Variants in ARFIP2 observed in about 807,000 individuals in gnomAD.
The protein encoded by ARFIP2 is arfaptin-2.
A neutral mutation model predicts 39.2 loss-of-function variants in ARFIP2; 14 were observed. That is an observed-to-expected ratio of 0.36 (90% CI 0.24 to 0.56). The LOEUF (loss-of-function observed/expected upper bound fraction) is 0.56, where lower values mean the gene tolerates loss of function less well. ARFIP2 is among the 20% of genes least tolerant of loss of function. The pLI, the probability that ARFIP2 is intolerant of heterozygous loss-of-function variation, is 0.85. For synonymous variants in ARFIP2, 167 were observed against 172.4 expected, an observed-to-expected ratio of 0.97 and a Z score of 0.24; for missense variants, 305 against 422.5, an observed-to-expected ratio of 0.72 and a Z score of 2.44.
chr11:6,479,224 A>C lies in ARFIP2; in HGVS notation c.231T>G (p.Pro77=), dbSNP rs763578402. The change falls in exon 4 of 8, where the codon CCT becomes CCG. Residue 77 remains proline, a synonymous_variant. Transcript: ENST00000396777. The part of the protein sequence containing the change: ...SGRHPSHSTT[P]SGPGDEVARG... The stretch of plus-strand genomic sequence containing the variant: ...GAGCCACCTCATCTCCAGGGCCAGA[A>C]GGAGTGGTGCTGTGAGATGGATGGC... 1 of 1,614,030 alleles carries C rather than the reference A, an allele frequency of 6.2e-7. No homozygotes were observed. Among genetic ancestry groups the C allele is most frequent in the South Asian group, 1.1e-5 (1 of 91,082 alleles).
rs1851348278 is a variant in ARFIP2 at position 6,478,500 on chromosome 11, G to T, written c.537+238C>A. On this transcript the variant is annotated intron_variant, in intron 5 of 7. Transcript: ENST00000396777. This position sits in a 1 kb window ranked among gnomAD's most constrained non-coding sequence, Gnocchi z 4.8. Reference sequence around the variant, plus strand: ...GCTGAGCACGAAGGCATTCTCCCCAGTGCAGAGAGGGGTTATTTGTGAGGC... The same window carrying T: ...GCTGAGCACGAAGGCATTCTCCCCATTGCAGAGAGGGGTTATTTGTGAGGC... 3 of 1,325,326 alleles carry T rather than the reference G, an allele frequency of 2.3e-6. No homozygotes were observed. Among genetic ancestry groups the T allele is most frequent in the African/African-American group, 1.5e-5 (1 of 67,380 alleles). The allele number at this position is 1,325,326 out of a possible 1,614,324, so 82.1% of individuals were successfully genotyped here.
intron 2 of ARFIP2, 113 bp from the exon 3 acceptor site, chr11:6,480,181 T>C: frequency 7.8e-7 from 1 of 1,284,930 alleles, no homozygotes; most frequent in Non-Finnish European, 1.1e-6. Context: ...AAGGGAAGTC[T>C]GCACAGAATC....
Position 6,477,254 on chromosome 11 carries a change from G to C in ARFIP2, c.885C>G (p.His295Gln). ...FLEENKIKVM[H>Q]KQLLLFHNAV... is the part of the protein sequence containing the mutation. ...CATTGTGGAAGAGCAGCAGCTGCTT[G>C]TGCATCACCTTGATCTGGGGGTCCA... is the stretch of plus-strand genomic sequence containing the variant. The change falls in exon 8 of 8, where the codon CAC (histidine) becomes CAG (glutamine). Residue 295 changes from histidine (H) to glutamine (Q), a missense_variant. His to Gln is a conservative substitution (Grantham distance 24, BLOSUM62 0). Coordinates refer to ENST00000396777, the MANE Select transcript of ARFIP2 (RefSeq NM_001376558.2). The surrounding 1 kb of genome is among the most constrained non-coding windows in gnomAD (Gnocchi z 4.8). 6.2e-7 allele frequency: 1 copy of C among 1,613,306 alleles called. No individual in the cohort carries two copies. Among genetic ancestry groups the C allele is most frequent in the Non-Finnish European group, 8.5e-7 (1 of 1,179,752 alleles).
Position 6,481,240 on chromosome 11 carries a change from G to C in ARFIP2, c.-52C>G. On this transcript the variant is annotated 5_prime_UTR_variant, in exon 1 of 8. Coordinates refer to ENST00000396777, the MANE Select transcript of ARFIP2 (RefSeq NM_001376558.2). ...AGCATGTTCCTCTCACCTCGGGCCG[G>C]GCCGCTCTTCCCCTCAGGGCGCCAG... The C allele has an allele frequency of 1.7e-6, 1 of 588,752 alleles. No homozygotes were observed. The highest frequency in any genetic ancestry group is 3.0e-6 in the Non-Finnish European group (1 of 331,972). 36.5% of individuals were successfully genotyped at this position (588,752 alleles called of 1,614,324 possible).
chr11:6,477,829 C>T lies in ARFIP2; in HGVS notation c.759G>A (p.Gly253=), dbSNP rs770627034. 1 of 1,614,000 alleles carries T rather than the reference C, an allele frequency of 6.2e-7. No individual in the cohort carries two copies. Among genetic ancestry groups the T allele is most frequent in the Non-Finnish European group, 8.5e-7 (1 of 1,179,966 alleles). The part of the protein sequence containing the change: ...EELSLGPRDA[G]TRGRLESAQA... ...GGGCACTCTCAAGTCGACCACGTGTCCCTGCATCCCGGGGGCCTAGACTCA... is the reference window on the plus strand; with the variant it reads ...GGGCACTCTCAAGTCGACCACGTGTTCCTGCATCCCGGGGGCCTAGACTCA... The change falls in exon 7 of 8, where the codon GGG becomes GGA. Residue 253 remains glycine, a synonymous_variant. Coordinates refer to ENST00000396777, the MANE Select transcript of ARFIP2 (RefSeq NM_001376558.2). The surrounding 1 kb of genome is among the most constrained non-coding windows in gnomAD (Gnocchi z 4.8).
chr11:6,481,331 C>T lies in ARFIP2; in HGVS notation c.-143G>A, dbSNP rs566701969. 3.4e-6 allele frequency: 3 copies of T among 872,826 alleles called. No individual in the cohort carries two copies. The highest frequency in any genetic ancestry group is 2.5e-5 in the East Asian group (1 of 40,108). 54.1% of individuals were successfully genotyped at this position (872,826 alleles called of 1,614,324 possible). On this transcript the variant is annotated 5_prime_UTR_variant, in exon 1 of 8. Coordinates refer to ENST00000396777, the MANE Select transcript of ARFIP2 (RefSeq NM_001376558.2). The stretch of plus-strand genomic sequence containing the variant: ...CGATCCTAGCAGCAGGTCAGGGACT[C>T]GGCGGAAATGACGTCCTCTCCGGGC...
At position 6,477,525 on chromosome 11, in the gene ARFIP2, A is replaced by C. The variant is rs558069493; in HGVS notation, c.870+193T>G. On this transcript the variant is annotated intron_variant, in intron 7 of 7. Coordinates refer to ENST00000396777, the MANE Select transcript of ARFIP2 (RefSeq NM_001376558.2). This position sits in a 1 kb window ranked among gnomAD's most constrained non-coding sequence, Gnocchi z 4.8. Reference sequence around the variant, plus strand: ...TCCCAGTTATGTTCCTGGGACCAGCAGCCAAATCCTCCAACAGGAAAGGGC... The same window carrying C: ...TCCCAGTTATGTTCCTGGGACCAGCCGCCAAATCCTCCAACAGGAAAGGGC... Among the ~76,000 whole-genome samples, 1 of 152,126 alleles carries C rather than the reference A, an allele frequency of 6.6e-6. No homozygotes were observed. Among genetic ancestry groups the C allele is most frequent in the Admixed American group, 6.6e-5 (1 of 15,266 alleles).
rs199626743 is a variant in ARFIP2 at position 6,477,903 on chromosome 11, G to A, written c.696-11C>T. The A allele has an allele frequency of 5.0e-5, 81 of 1,613,200 alleles. No individual in the cohort carries two copies. The highest frequency in any genetic ancestry group is 5.3e-5 in the Non-Finnish European group (62 of 1,179,546). On this transcript the variant is annotated splice_polypyrimidine_tract_variant and intron_variant, in intron 6 of 7. Transcript: ENST00000396777. The surrounding 1 kb of genome is among the most constrained non-coding windows in gnomAD (Gnocchi z 4.8). ...GCATCATATTCCAGCCTGGGGAGGG[G>A]GTGATAAAGGCTGGTCTCCACTCCT...
chr11:6,481,016 G>C (rs1455407549), intron 1 of ARFIP2: 1 of 209,312 alleles, frequency 4.8e-6, no homozygotes, highest in East Asian at 1.6e-4. Context: ...ATCAGTGGGT[G>C]TATGTTCCCA....
chr11:6,476,948 C>G lies in ARFIP2; in HGVS notation c.*165G>C. 1 of 764,308 alleles carries G rather than the reference C, an allele frequency of 1.3e-6. No individual in the cohort carries two copies. The highest frequency in any genetic ancestry group is 2.0e-6 in the Non-Finnish European group (1 of 495,606). 47.3% of individuals were successfully genotyped at this position (764,308 alleles called of 1,614,324 possible). A position where few individuals can be genotyped will look rare whatever the true frequency, so the allele number is the denominator to read the frequency against. On this transcript the variant is annotated 3_prime_UTR_variant, in exon 8 of 8. Coordinates refer to ENST00000396777, the MANE Select transcript of ARFIP2 (RefSeq NM_001376558.2). The stretch of plus-strand genomic sequence containing the variant: ...AGCAACTTCTGGGCCTCCAGGCCCT[C>G]TTCCCACCATAGCAATGTGGGCAAA...
In ARFIP2 at chr11:6,478,977, G is replaced by T. The variant is rs760146169; in HGVS notation, c.316-18C>A. 6.2e-7 allele frequency: 1 copy of T among 1,611,652 alleles called. No homozygotes were observed. Among genetic ancestry groups the T allele is most frequent in the Admixed American group, 1.7e-5 (1 of 59,942 alleles). ...TTTGTGCACTGATTGGGAAATGGGG[G>T]AATAAATCAGAGACCCTAACAGCCT... On this transcript the variant is annotated intron_variant, in intron 4 of 7. Transcript: ENST00000396777. The surrounding 1 kb of genome is among the most constrained non-coding windows in gnomAD (Gnocchi z 4.8).
In ARFIP2 at chr11:6,476,939, C is replaced by G; in HGVS notation, c.*174G>C. The G allele has an allele frequency of 1.4e-6, 1 of 695,242 alleles. No individual in the cohort carries two copies. Among genetic ancestry groups the G allele is most frequent in the East Asian group, 2.8e-5 (1 of 35,100 alleles). The allele number at this position is 695,242 out of a possible 1,614,324, so 43.1% of individuals were successfully genotyped here. On this transcript the variant is annotated 3_prime_UTR_variant, in exon 8 of 8. Transcript: ENST00000396777. ...AGACAGGGCAGCAACTTCTGGGCCT[C>G]CAGGCCCTCTTCCCACCATAGCAAT...
At position 6,478,995 on chromosome 11, in the gene ARFIP2, A is replaced by G. The variant is rs1305539928; in HGVS notation, c.316-36T>C. On this transcript the variant is annotated intron_variant, in intron 4 of 7. Coordinates refer to ENST00000396777, the MANE Select transcript of ARFIP2 (RefSeq NM_001376558.2). The surrounding 1 kb of genome is among the most constrained non-coding windows in gnomAD (Gnocchi z 4.8). ...AATGGGGGAATAAATCAGAGACCCT[A>G]ACAGCCTCCCCACACAACAGGTATC... The G allele has an allele frequency of 1.2e-6, 2 of 1,606,814 alleles. No individual in the cohort carries two copies. The highest frequency in any genetic ancestry group is 2.2e-5 in the South Asian group (2 of 90,664).
At position 6,477,312 on chromosome 11, in the gene ARFIP2, T is replaced by C. The variant is rs1177082578; in HGVS notation, c.871-44A>G. On this transcript the variant is annotated intron_variant, in intron 7 of 7. Transcript: ENST00000396777. The surrounding 1 kb of genome is among the most constrained non-coding windows in gnomAD (Gnocchi z 4.8). ...CAGCTAAGGCTGGACTCAGGCGCCC[T>C]TCTTGAGGGTCTATGAGCCTGAGCC... 1.5e-5 allele frequency: 24 copies of C among 1,589,764 alleles called. No individual in the cohort carries two copies. The highest frequency in any genetic ancestry group is 2.1e-5 in the Non-Finnish European group (24 of 1,168,116).
Position 6,481,238 on chromosome 11 carries a change from C to A in ARFIP2, c.-50G>T. The A allele has an allele frequency of 6.8e-6, 4 of 588,128 alleles. No homozygotes were observed. The highest frequency in any genetic ancestry group is 1.2e-5 in the Non-Finnish European group (4 of 331,496). 36.4% of individuals were successfully genotyped at this position (588,128 alleles called of 1,614,324 possible). On this transcript the variant is annotated 5_prime_UTR_variant, in exon 1 of 8. Transcript: ENST00000396777. ...CAAGCATGTTCCTCTCACCTCGGGC[C>A]GGGCCGCTCTTCCCCTCAGGGCGCC...
chr11:6,479,944 C>G (rs748756128), intron 3 of ARFIP2, 28 bp downstream of exon 3: 7 of 1,607,052 alleles, frequency 4.4e-6, no homozygotes, highest in Non-Finnish European at 6.0e-6. Context: ...CTCCTCCACC[C>G]AAGATTCCTG....
intron 1 of ARFIP2, chr11:6,480,795 T>C: frequency 5.1e-6 from 1 of 197,118 alleles, no homozygotes; most frequent in Non-Finnish European, 1.0e-5. Flanking sequence ...AAGTCTGCTC[T>C]CTTAGAACTT....
Position 6,478,219 on chromosome 11 carries a change from C to T in ARFIP2, c.538-21G>A. 6 of 1,613,574 alleles carry T rather than the reference C, an allele frequency of 3.7e-6. No individual in the cohort carries two copies. The highest frequency in any genetic ancestry group is 5.1e-6 in the Non-Finnish European group (6 of 1,179,654). On this transcript the variant is annotated intron_variant, in intron 5 of 7. Transcript: ENST00000396777. This position sits in a 1 kb window ranked among gnomAD's most constrained non-coding sequence, Gnocchi z 4.8. ...TCCTCCTGAGGGCAGAAGGGAGGAA[C>T]AGACCTTGAATAACACTCCCTACCT... is the stretch of plus-strand genomic sequence containing the variant.
intron 3 of ARFIP2, 163 bp from the exon 4 acceptor site, chr11:6,479,421 G>A (rs565322955): frequency 1.6e-5 from 23 of 1,431,780 alleles, no homozygotes; most frequent in African/African-American, 2.8e-5. Context: ...GACTTTGCGC[G>A]GTGAGAACCA....
Sources: allele counts gnomAD v4.1 joint callset (sites outside exome capture counted in the v4.1 genomes callset), GRCh38; gene constraint gnomAD v4.1.1; non-coding constraint Gnocchi (gnomAD v3.1); transcripts MANE v1.5; gene names NCBI Gene and HGNC (gene_info 2026-07-23, HGNC 2026-07-21).